TXK: variants seen among roughly 807,000 people sequenced by gnomAD.
The protein encoded by TXK is tyrosine-protein kinase TXK.
A neutral mutation model predicts 81.0 loss-of-function variants in TXK; 60 were observed. The observed-to-expected ratio is 0.74, with a 90% CI of 0.60 to 0.92. The LOEUF is 0.92. Ranked by LOEUF, TXK falls within the 40% of genes least tolerant of loss-of-function variation. The pLI is 0.00. For synonymous variants in TXK, 203 were observed against 210.7 expected (o/e 0.96, Z 0.32); for missense variants, 581 against 638.3 (o/e 0.91, Z 0.97).
At chr4:48,095,094 G>C in intron 7 of TXK, 49 bp downstream of exon 7, 1 of 1,398,038 alleles carries the variant, frequency 7.2e-7, no homozygotes, top group East Asian at 2.3e-5. Flanking sequence ...ATGTGATGGA[G>C]ACTGTGCCAG....
At chr4:48,132,720 C>CA (rs1216296725) in intron 1 of TXK, among the ~76,000 whole-genome samples, 1 of 152,052 alleles carries the variant, frequency 6.6e-6, no homozygotes, top group Non-Finnish European at 1.5e-5. Context: ...GAGGCTGAGG[C>CA]AAATCACTTG....
At chr4:48,123,723 A>G (rs942758068) in intron 1 of TXK, among the ~76,000 whole-genome samples, 3 of 152,178 alleles carry the variant, frequency 2.0e-5, no homozygotes, top group East Asian at 3.9e-4. Context: ...TTGAACCTGA[A>G]TCTAGAGTCT....
At chr4:48,081,388 C>T (rs1717293601) in intron 10 of TXK, among the ~76,000 whole-genome samples, 1 of 152,112 alleles carries the variant, frequency 6.6e-6, no homozygotes, top group Admixed American at 6.6e-5. Flanking sequence ...GCATGTGATT[C>T]AGTCTAACAA....
chr4:48,117,678 G>A (rs1038777900), intron 1 of TXK, among the ~76,000 whole-genome samples: 14 of 152,290 alleles, frequency 9.2e-5, no homozygotes, highest in Non-Finnish European at 1.6e-4. Context: ...GGTGAGAGAG[G>A]CTGCTCCAAT....
At chr4:48,127,427 C>G (rs1409771653) in intron 1 of TXK, among the ~76,000 whole-genome samples, 1 of 152,154 alleles carries the variant, frequency 6.6e-6, no homozygotes, top group African/African-American at 2.4e-5. Context: ...TTACAGAAGC[C>G]ATTCTTTGAA....
chr4:48,090,636 T>C lies in TXK; in HGVS notation c.710-812A>G, dbSNP rs1165718621. 3.3e-5 allele frequency among the ~76,000 whole-genome samples: 5 copies of C among 152,226 alleles called. No individual in the cohort carries two copies. In the East Asian group the frequency reaches 9.6e-4, roughly 29 times the overall value. ...CTGGTATGCGCTTTCAATAAAAGCT[T>C]TCAATAAAACACTATCTAGATGTTG... is the stretch of plus-strand genomic sequence containing the variant. On this transcript the variant is annotated intron_variant, in intron 8 of 14. Coordinates refer to ENST00000264316, the MANE Select transcript of TXK (RefSeq NM_003328.3).
intron 5 of TXK, among the ~76,000 whole-genome samples, chr4:48,109,869 C>A (rs1718579071): frequency 6.6e-6 from 1 of 152,168 alleles, no homozygotes; most frequent in Admixed American, 6.5e-5. Flanking sequence ...CTGGTGGAAG[C>A]ATATGCTAAT....
chr4:48,101,375 G>T (rs1340064953), intron 6 of TXK, among the ~76,000 whole-genome samples: 2 of 152,094 alleles, frequency 1.3e-5, no homozygotes, highest in African/African-American at 4.8e-5. Flanking sequence ...AACTATTCCA[G>T]AGATTGGAAA....
intron 10 of TXK, among the ~76,000 whole-genome samples, chr4:48,086,163 A>G (rs6858033): frequency 0.96 from 145,676 of 152,266 alleles, 70,021 homozygotes; most frequent in East Asian, 1. Flanking sequence ...TTCACAAGGC[A>G]TTCTGCAAAG....
In TXK at chr4:48,120,327, C is replaced by T. The variant is rs141435740; in HGVS notation, c.17-5925G>A. Among the ~76,000 whole-genome samples the T allele has an allele frequency of 1.7e-3, 258 of 148,508 alleles. 1 individual carries two copies. Among genetic ancestry groups the T allele is most frequent in the African/African-American group, 5.9e-3 (237 of 40,480 alleles). On this transcript the variant is annotated intron_variant, in intron 1 of 14. Coordinates refer to ENST00000264316, the MANE Select transcript of TXK (RefSeq NM_003328.3). ...CTTCAGCTATTAAAATACATATATA[C>T]GTATATATACACATATATACGTATA...
chr4:48,069,197 G>C (rs1226105960), intron 14 of TXK, among the ~76,000 whole-genome samples: 1 of 152,108 alleles, frequency 6.6e-6, no homozygotes, highest in Non-Finnish European at 1.5e-5. Flanking sequence ...AGCTATTCAG[G>C]AGGCTGAGCT....
At chr4:48,069,852 G>A (rs929251280) in intron 14 of TXK, among the ~76,000 whole-genome samples, 1 of 151,958 alleles carries the variant, frequency 6.6e-6, no homozygotes, top group African/African-American at 2.4e-5. Context: ...ATATACTTCT[G>A]AGCTACTTAC....
At chr4:48,076,347 C>T in intron 12 of TXK, 55 bp downstream of exon 12, 1 of 1,268,456 alleles carries the variant, frequency 7.9e-7, no homozygotes, top group Non-Finnish European at 1.1e-6. Context: ...ATGTAAGATT[C>T]CCTCTTATGA....
chr4:48,104,362 A>T (rs1212819620), intron 6 of TXK, among the ~76,000 whole-genome samples: 19 of 1,434 alleles, frequency 0.013, 8 homozygotes, highest in African/African-American at 0.12. Flanking sequence ...AATATAATAT[A>T]TAATATATAT....
chr4:48,113,162 G>A (rs1327986590), intron 3 of TXK, 45 bp downstream of exon 3: 2 of 1,457,930 alleles, frequency 1.4e-6, no homozygotes, highest in African/African-American at 2.8e-5. Flanking sequence ...ACTCTAAAAA[G>A]ACAACCTTCT....
At chr4:48,112,272 A>C (rs1560358775) in intron 4 of TXK, 35 bp downstream of exon 4, 1 of 1,593,840 alleles carries the variant, frequency 6.3e-7, no homozygotes, top group Non-Finnish European at 8.6e-7. Context: ...GTGTTGGAAG[A>C]ATTGGATACT....
At chr4:48,073,824 C>A in intron 13 of TXK, 111 bp downstream of exon 13, 1 of 752,640 alleles carries the variant, frequency 1.3e-6, no homozygotes, top group Non-Finnish European at 2.2e-6. Context: ...AGCACAATTA[C>A]AAGAAGACTT....
intron 8 of TXK, among the ~76,000 whole-genome samples, chr4:48,092,096 A>G (rs1443107414): frequency 6.6e-6 from 1 of 152,308 alleles, no homozygotes; most frequent in East Asian, 1.9e-4. Context: ...TCTGAGAGAG[A>G]GAAAAGAAAG....
intron 1 of TXK, among the ~76,000 whole-genome samples, chr4:48,133,658 G>A (rs1323992536): frequency 6.6e-6 from 1 of 152,206 alleles, no homozygotes; most frequent in Non-Finnish European, 1.5e-5. Flanking sequence ...ACTTGATAAA[G>A]CAGATAATTT....
Sources: gnomAD v4.1 joint callset for allele counts (sites outside exome capture counted in the v4.1 genomes callset) on GRCh38, gnomAD v4.1.1 for gene constraint, MANE v1.5 for transcripts, NCBI Gene and HGNC (gene_info 2026-07-23, HGNC 2026-07-21) for gene names.